The following NKAIN2 variants were observed in gnomAD, a reference collection of about 807,000 sequenced individuals.
NKAIN2 encodes the protein sodium/potassium-transporting ATPase subunit beta-1-interacting protein 2.
NKAIN2 carries 14 observed loss-of-function variants against 32.6 expected under a neutral mutation model. That is an observed-to-expected ratio of 0.43 (90% CI 0.28 to 0.67). The LOEUF (loss-of-function observed/expected upper bound fraction) is 0.67. Ranked by LOEUF, NKAIN2 falls within the 30% of genes least tolerant of loss-of-function variation. NKAIN2 has a pLI of 0.17. For missense variants in NKAIN2, 198 were observed against 258.3 expected (o/e 0.77, Z 1.60); for synonymous variants, 80 against 87.2 (o/e 0.92, Z 0.46).
At chr6:124,060,840 T>C (rs1487890314) in intron 1 of NKAIN2, among the ~76,000 whole-genome samples, 1 of 152,200 alleles carries the variant, frequency 6.6e-6, no homozygotes, top group Non-Finnish European at 1.5e-5. Flanking sequence ...CTTTCTGTGA[T>C]ATTGTCAAAT....
chr6:124,094,031 A>G lies in NKAIN2; in HGVS notation c.55-188974A>G, dbSNP rs185431533. Among the ~76,000 whole-genome samples, 194 of 152,282 alleles carry G rather than the reference A, an allele frequency of 1.3e-3. 1 individual carries two copies. The highest frequency in any genetic ancestry group is 3.8e-4 in the Non-Finnish European group (26 of 68,018). On this transcript the variant is annotated intron_variant, in intron 1 of 6. Transcript: ENST00000368417. ...TGGATTTTTGTCTTTCTCACACTTC[A>G]CTGTGGCGTCTGAACAGAGCTATAG...
At chr6:123,860,560 G>A (rs954863931) in intron 1 of NKAIN2, among the ~76,000 whole-genome samples, 1 of 152,022 alleles carries the variant, frequency 6.6e-6, no homozygotes, top group African/African-American at 2.4e-5. Context: ...AAAGGCACAT[G>A]CCACCATACC....
chr6:124,327,249 A>G (rs549067960), intron 2 of NKAIN2, among the ~76,000 whole-genome samples: 1 of 152,262 alleles, frequency 6.6e-6, no homozygotes, highest in Non-Finnish European at 1.5e-5. Flanking sequence ...ATTAAAAACT[A>G]CATAGCTACA....
At chr6:123,953,486 AGTGGTCCATGGTG>A (rs2114590710) in intron 1 of NKAIN2, among the ~76,000 whole-genome samples, 1 of 152,246 alleles carries the variant, frequency 6.6e-6, no homozygotes, top group Non-Finnish European at 1.5e-5. Context: ...CTGGGTCCCA[AGTGGTCCATGGTG>A]GTGTTGTTAG....
At chr6:124,135,515 TAAAAA>T (rs56183476) in intron 1 of NKAIN2, among the ~76,000 whole-genome samples, 4 of 100,406 alleles carry the variant, frequency 4.0e-5, no homozygotes, top group Non-Finnish European at 6.0e-5. Flanking sequence ...GCAACGATAG[TAAAAA>T]AAAAAAAAAA....
intron 3 of NKAIN2, among the ~76,000 whole-genome samples, chr6:124,444,569 A>C (rs1775814563): frequency 6.6e-6 from 1 of 152,174 alleles, no homozygotes; most frequent in South Asian, 2.1e-4. Context: ...CATTAAGTCA[A>C]TGTGTTTACT....
chr6:124,561,137 G>A (rs1780676385), intron 3 of NKAIN2, among the ~76,000 whole-genome samples: 3 of 152,172 alleles, frequency 2.0e-5, no homozygotes, highest in Admixed American at 2.0e-4. Flanking sequence ...GATTACTGAG[G>A]GGAAAAGTCC....
chr6:124,276,654 T>C (rs1352565167), intron 1 of NKAIN2, among the ~76,000 whole-genome samples: 2 of 152,152 alleles, frequency 1.3e-5, no homozygotes, highest in South Asian at 2.1e-4. Context: ...ATCAATAATA[T>C]TTGTAGAGTT....
intron 3 of NKAIN2, among the ~76,000 whole-genome samples, chr6:124,498,535 A>T (rs1468886438): frequency 6.6e-6 from 1 of 152,218 alleles, no homozygotes; most frequent in Non-Finnish European, 1.5e-5. Flanking sequence ...ATTAAAGCAC[A>T]TGGAGATAAT....
At chr6:124,796,355 G>T (rs1490558894) in intron 5 of NKAIN2, among the ~76,000 whole-genome samples, 1 of 151,954 alleles carries the variant, frequency 6.6e-6, no homozygotes, top group Non-Finnish European at 1.5e-5. Context: ...CTCTTCAAAG[G>T]GCCAATTTCC....
At chr6:124,626,745 C>T (rs1398373243) in intron 3 of NKAIN2, among the ~76,000 whole-genome samples, 1 of 152,114 alleles carries the variant, frequency 6.6e-6, no homozygotes, top group Non-Finnish European at 1.5e-5. Flanking sequence ...CACTTTGGTG[C>T]ACAAAATGAG....
intron 2 of NKAIN2, among the ~76,000 whole-genome samples, chr6:124,336,674 T>TTG (rs771624385): frequency 0.021 from 3,150 of 148,586 alleles, 71 homozygotes; most frequent in Non-Finnish European, 0.031. Flanking sequence ...GTTTGTTTTT[T>TTG]TTTGTTTGTT....
chr6:124,096,043 A>C (rs1338967590), intron 1 of NKAIN2, among the ~76,000 whole-genome samples: 1 of 152,216 alleles, frequency 6.6e-6, no homozygotes, highest in Non-Finnish European at 1.5e-5. Flanking sequence ...AACTGTAGGA[A>C]AATTTTAGAA....
At chr6:124,254,570 G>T (rs1793837678) in intron 1 of NKAIN2, among the ~76,000 whole-genome samples, 1 of 152,094 alleles carries the variant, frequency 6.6e-6, no homozygotes, top group Admixed American at 6.6e-5. Context: ...ACAAATGGAA[G>T]GATGTGACAA....
chr6:123,824,194 C>T (rs1048910632), intron 1 of NKAIN2, among the ~76,000 whole-genome samples: 3 of 152,024 alleles, frequency 2.0e-5, no homozygotes, highest in African/African-American at 7.2e-5. Context: ...GTGGAAGAGG[C>T]CCCTGAGGTT....
At chr6:124,238,889 G>T (rs1005762881) in intron 1 of NKAIN2, among the ~76,000 whole-genome samples, 1 of 152,142 alleles carries the variant, frequency 6.6e-6, no homozygotes, top group African/African-American at 2.4e-5. Context: ...AAAATAACCA[G>T]CTAGCATCAT....
chr6:124,744,637 C>T (rs189759202), intron 4 of NKAIN2, among the ~76,000 whole-genome samples: 126 of 151,710 alleles, frequency 8.3e-4, no homozygotes, highest in African/African-American at 2.9e-3. Flanking sequence ...CCAGCCACTT[C>T]GAAAGTAAGT....
chr6:124,786,466 G>A (rs187686566), intron 4 of NKAIN2, among the ~76,000 whole-genome samples: 2 of 151,994 alleles, frequency 1.3e-5, no homozygotes, highest in African/African-American at 2.4e-5. Context: ...TTACCAAAAG[G>A]CTTTGGTTTC....
At chr6:124,164,164 C>A (rs902421252) in intron 1 of NKAIN2, among the ~76,000 whole-genome samples, 2 of 152,024 alleles carry the variant, frequency 1.3e-5, no homozygotes, top group Admixed American at 1.3e-4. Flanking sequence ...TATTTTGGTA[C>A]ATTTATTTAA....
Sources: gnomAD v4.1 joint callset for allele counts (sites outside exome capture counted in the v4.1 genomes callset) on GRCh38, gnomAD v4.1.1 for gene constraint, MANE v1.5 for transcripts, NCBI Gene and HGNC (gene_info 2026-07-23, HGNC 2026-07-21) for gene names.